PHACTR3: variants seen among roughly 807,000 people sequenced by gnomAD.
PHACTR3 encodes phosphatase and actin regulator 3, also known as protein phosphatase 1, regulatory subunit 123.
A neutral mutation model predicts 66.8 loss-of-function variants in PHACTR3; 16 were observed. The ratio of observed to expected loss-of-function variants is 0.24; its 90% CI spans 0.16 to 0.36. PHACTR3 has a LOEUF of 0.36. Among genes scored for constraint, PHACTR3 ranks in the 10% least tolerant of loss-of-function variants. The pLI is 1.00. For missense variants in PHACTR3, 647 were observed against 719.9 expected, an observed-to-expected ratio of 0.90 and a Z score of 1.16; for synonymous variants, 323 against 292.1, an observed-to-expected ratio of 1.11 and a Z score of -1.08.
At chr20:59,773,133 T>C in intron 5 of PHACTR3, 146 bp from the exon 6 acceptor site, 1 of 881,336 alleles carries the variant, frequency 1.1e-6, no homozygotes, top group South Asian at 1.6e-5. Context: ...GGAGCAGGGA[T>C]CCCGGTCCAG....
chr20:59,755,343 G>A lies in PHACTR3; in HGVS notation c.520G>A (p.Ala174Thr), dbSNP rs1404417952. 1.9e-6 allele frequency: 3 copies of A among 1,613,610 alleles called. No individual in the cohort carries two copies. Among genetic ancestry groups the A allele is most frequent in the South Asian group, 1.1e-5 (1 of 91,076 alleles). ...CTCCCTGGACAAGCCACTGTCCTCAGCTGCCCACTTGGACGATGCAGGTAC... is the reference window on the plus strand; with the variant it reads ...CTCCCTGGACAAGCCACTGTCCTCAACTGCCCACTTGGACGATGCAGGTAC... ...QVSLDKPLSS[A>T]AHLDDAAKMP... The change falls in exon 4 of 13, where the codon GCT becomes ACT. Residue 174 changes from alanine to threonine, a missense_variant. Ala to Thr is a moderately conservative substitution (Grantham distance 58). Transcript: ENST00000371015.
At chr20:59,735,193 A>G (rs1287341806) in intron 1 of PHACTR3, among the ~76,000 whole-genome samples, 3 of 152,052 alleles carry the variant, frequency 2.0e-5, no homozygotes, top group Non-Finnish European at 2.9e-5. Flanking sequence ...GTTGCCTTAC[A>G]CTTTCTGTGT....
At chr20:59,668,108 A>G (rs1366430312) in intron 1 of PHACTR3, among the ~76,000 whole-genome samples, 2 of 152,166 alleles carry the variant, frequency 1.3e-5, no homozygotes, top group African/African-American at 2.4e-5. Context: ...ATACACCTGT[A>G]TGGGGTTAGA....
chr20:59,666,526 G>A (rs554072272), intron 1 of PHACTR3, among the ~76,000 whole-genome samples: 1 of 148,900 alleles, frequency 6.7e-6, no homozygotes, highest in South Asian at 2.2e-4. Context: ...GGAAGAGAGA[G>A]ACAGAGACAG....
chr20:59,674,786 C>A (rs1312871394), intron 1 of PHACTR3, among the ~76,000 whole-genome samples: 1 of 67,256 alleles, frequency 1.5e-5, no homozygotes, highest in Non-Finnish European at 2.6e-5. Context: ...CCTTCTGTTT[C>A]CCCCCTTCTC....
At chr20:59,755,895 G>T (rs927560584) in intron 4 of PHACTR3, among the ~76,000 whole-genome samples, 2 of 152,180 alleles carry the variant, frequency 1.3e-5, no homozygotes, top group African/African-American at 4.8e-5. Flanking sequence ...CTCTTCCGCT[G>T]CTTCTTGAGG....
At chr20:59,737,502 CTGTGTGCGTGCA>C (rs1480156454) in intron 1 of PHACTR3, among the ~76,000 whole-genome samples, 1 of 147,674 alleles carries the variant, frequency 6.8e-6, no homozygotes, top group East Asian at 2.1e-4. Context: ...GTGTGTGTGT[CTGTGTGCGTGCA>C]TGTGTGCGTG....
At chr20:59,608,909 G>A (rs1410278129) in intron 1 of PHACTR3, among the ~76,000 whole-genome samples, 1 of 152,240 alleles carries the variant, frequency 6.6e-6, no homozygotes, top group African/African-American at 2.4e-5. Context: ...GGAGCCTCTT[G>A]AGGACAGGGG....
Position 59,743,169 on chromosome 20 carries a change from C to A in PHACTR3, c.181C>A (p.Pro61Thr). ...TCTGGTCTCAGGGATTCGAACTCCC[C>A]CTGTGAGGAGGAACAGCAAACTGGC... ...EYLVSGIRTPPVRRNSKLATL... is the reference protein window; with the variant it reads ...EYLVSGIRTPTVRRNSKLATL... The change falls in exon 2 of 13, where the codon CCT becomes ACT. Residue 61 changes from proline (P) to threonine (T), a missense_variant. This residue lies in a region of PHACTR3 where 577 missense variants were observed against 571.1 expected (regional missense o/e 1.01). Transcript: ENST00000371015. 1 of 1,614,078 alleles carries A rather than the reference C, an allele frequency of 6.2e-7. No homozygotes were observed. The highest frequency in any genetic ancestry group is 8.5e-7 in the Non-Finnish European group (1 of 1,179,964).
At chr20:59,772,713 G>A (rs970695226) in intron 5 of PHACTR3, among the ~76,000 whole-genome samples, 1 of 152,204 alleles carries the variant, frequency 6.6e-6, no homozygotes, top group Non-Finnish European at 1.5e-5. Flanking sequence ...CCATGAGTTC[G>A]AATCATGTCC....
intron 1 of PHACTR3, among the ~76,000 whole-genome samples, chr20:59,715,368 A>G (rs2038057130): frequency 6.6e-6 from 1 of 152,198 alleles, no homozygotes; most frequent in Non-Finnish European, 1.5e-5. Flanking sequence ...CTATCTCTGT[A>G]TTTGTGGAAG....
intron 1 of PHACTR3, among the ~76,000 whole-genome samples, chr20:59,646,040 C>A (rs2035272130): frequency 6.6e-6 from 1 of 152,154 alleles, no homozygotes; most frequent in African/African-American, 2.4e-5. Flanking sequence ...CTGCCCAGTC[C>A]CGTGGGCAGT....
At chr20:59,614,093 AG>A (rs1440068929) in intron 1 of PHACTR3, among the ~76,000 whole-genome samples, 1 of 152,250 alleles carries the variant, frequency 6.6e-6, no homozygotes, top group Non-Finnish European at 1.5e-5. Context: ...GGAAGCTTAA[AG>A]AGGATCTTGA....
chr20:59,755,419 C>T (rs930492894), intron 4 of PHACTR3, 55 bp downstream of exon 4: 6 of 1,562,678 alleles, frequency 3.8e-6, no homozygotes, highest in Non-Finnish European at 1.7e-6. Context: ...CCATACGTCC[C>T]CACTGTTGTC....
At chr20:59,755,500 G>A (rs759227195) in intron 4 of PHACTR3, 136 bp downstream of exon 4, 13 of 993,452 alleles carry the variant, frequency 1.3e-5, no homozygotes, top group South Asian at 1.7e-5. Flanking sequence ...TGCTCTAAGC[G>A]CTGCCATGCT....
In PHACTR3 at chr20:59,736,286, G is replaced by C. The variant is rs1015888735; in HGVS notation, c.119-6821G>C. On this transcript the variant is annotated intron_variant, in intron 1 of 12. Coordinates refer to ENST00000371015, the MANE Select transcript of PHACTR3 (RefSeq NM_080672.5). This position sits in a 1 kb window ranked among gnomAD's most constrained non-coding sequence, Gnocchi z 4.6. ...CTGGCACTACTGTTATTCAGAGGCTGGGGGGTGGCTGCTAATGTGTTTGCA... is the reference window on the plus strand; with the variant it reads ...CTGGCACTACTGTTATTCAGAGGCTCGGGGGTGGCTGCTAATGTGTTTGCA... Among the ~76,000 whole-genome samples the C allele has an allele frequency of 6.6e-6, 1 of 152,126 alleles. No homozygotes were observed. The highest frequency in any genetic ancestry group is 1.5e-5 in the Non-Finnish European group (1 of 68,022).
At chr20:59,776,194 T>C (rs1405588970) in intron 7 of PHACTR3, among the ~76,000 whole-genome samples, 1 of 152,202 alleles carries the variant, frequency 6.6e-6, no homozygotes, top group Non-Finnish European at 1.5e-5. Context: ...CGGGTGTTTC[T>C]TGTGTCCGGG....
intron 1 of PHACTR3, among the ~76,000 whole-genome samples, chr20:59,581,839 C>G (rs1475379137): frequency 6.6e-6 from 1 of 151,552 alleles, no homozygotes; most frequent in South Asian, 2.1e-4. Context: ...CGACATTGCT[C>G]CACTGCACTC....
At chr20:59,629,014 A>T (rs1448951806) in intron 1 of PHACTR3, among the ~76,000 whole-genome samples, 2 of 152,230 alleles carry the variant, frequency 1.3e-5, no homozygotes, top group Non-Finnish European at 2.9e-5. Flanking sequence ...CAGAGGCCTT[A>T]GCGAATTCCA....
Sources: allele counts gnomAD v4.1 joint callset (sites outside exome capture counted in the v4.1 genomes callset), GRCh38; gene constraint gnomAD v4.1.1; regional missense constraint gnomAD v4.1.1; non-coding constraint Gnocchi (gnomAD v3.1); transcripts MANE v1.5; gene names NCBI Gene and HGNC (gene_info 2026-07-23, HGNC 2026-07-21).